The following CALN1 variants were observed in gnomAD, a reference collection of about 807,000 sequenced individuals.
The protein encoded by CALN1 is calneuron 1.
CALN1 carries 17 observed loss-of-function variants against 30.6 expected under a neutral mutation model. That is an observed-to-expected ratio of 0.56 (90% confidence interval 0.38 to 0.83). The LOEUF is 0.83. Ranked by LOEUF, CALN1 falls within the 40% of genes least tolerant of loss-of-function variation. The pLI, the probability that CALN1 is intolerant of heterozygous loss-of-function variation, is 0.00. For synonymous variants in CALN1, 156 were observed against 131.4 expected (o/e 1.19, Z -1.28); for missense variants, 291 against 354.9 (o/e 0.82, Z 1.45).
At chr7:72,490,176 C>T in the CALN1 span, among the ~76,000 whole-genome samples, 17 of 152,096 alleles carry the variant, frequency 1.1e-4, no homozygotes, top group Admixed American at 9.2e-4. Flanking sequence ...CAGAAATGGT[C>T]GTCTATAGTG....
At position 72,219,428 on chromosome 7, in the gene CALN1, C is replaced by T. The variant is rs185791392; in HGVS notation, c.244+59258G>A. ...TATTTTTTGTAGAGATGGGGTCTTGCTGTGTTGCCCAGGCTGATCTCAAAC... is the reference window on the plus strand; with the variant it reads ...TATTTTTTGTAGAGATGGGGTCTTGTTGTGTTGCCCAGGCTGATCTCAAAC... On this transcript the variant is annotated intron_variant, in intron 3 of 6. Transcript: ENST00000395275. 3.3e-5 allele frequency among the ~76,000 whole-genome samples: 5 copies of T among 152,196 alleles called. No homozygotes were observed. In the East Asian group the frequency reaches 9.7e-4, roughly 29 times the overall value.
chr7:71,919,688 AG>A (rs1794840616), intron 5 of CALN1, among the ~76,000 whole-genome samples: 1 of 152,232 alleles, frequency 6.6e-6, no homozygotes, highest in Non-Finnish European at 1.5e-5. Flanking sequence ...CTGGTTTTCC[AG>A]GAAGACACTA....
intron 5 of CALN1, among the ~76,000 whole-genome samples, chr7:71,892,819 G>C (rs1239811717): frequency 6.6e-6 from 1 of 152,018 alleles, no homozygotes; most frequent in Non-Finnish European, 1.5e-5. Context: ...AGTTTTGTAT[G>C]TTTCTAATAG....
intron 4 of CALN1, among the ~76,000 whole-genome samples, chr7:72,048,603 A>C (rs546187649): frequency 5.9e-5 from 9 of 152,266 alleles, no homozygotes; most frequent in African/African-American, 2.2e-4. Flanking sequence ...TAGTATATTA[A>C]TTTTATAGAG....
At chr7:72,031,454 C>A (rs1410489711) in intron 4 of CALN1, among the ~76,000 whole-genome samples, 1 of 152,198 alleles carries the variant, frequency 6.6e-6, no homozygotes, top group African/African-American at 2.4e-5. Flanking sequence ...AATAGGTTCT[C>A]CCCTTCCACA....
intron 5 of CALN1, among the ~76,000 whole-genome samples, chr7:71,840,934 A>G (rs1366486590): frequency 6.6e-6 from 1 of 151,016 alleles, no homozygotes; most frequent in East Asian, 1.9e-4. Flanking sequence ...GAATGTATTG[A>G]AGTCATTTTC....
At chr7:72,344,063 G>A (rs1352454874) in intron 2 of CALN1, among the ~76,000 whole-genome samples, 1 of 151,868 alleles carries the variant, frequency 6.6e-6, no homozygotes, top group African/African-American at 2.4e-5. Flanking sequence ...TATTTATTTA[G>A]AGACAGAGTC....
At chr7:72,256,658 A>T (rs369262468) in intron 3 of CALN1, among the ~76,000 whole-genome samples, 1 of 152,052 alleles carries the variant, frequency 6.6e-6, no homozygotes, top group African/African-American at 2.4e-5. Flanking sequence ...CCACGCTGGA[A>T]CACAATGGCA....
At chr7:71,899,752 C>T (rs748356340) in intron 5 of CALN1, among the ~76,000 whole-genome samples, 2 of 152,128 alleles carry the variant, frequency 1.3e-5, no homozygotes, top group Non-Finnish European at 2.9e-5. Context: ...TTCAGAATAA[C>T]TGATACCATG....
chr7:72,045,397 C>T (rs844778), intron 4 of CALN1, among the ~76,000 whole-genome samples: 1,804 of 152,310 alleles, frequency 0.012, 37 homozygotes, highest in African/African-American at 0.041. Context: ...CCTCTCCCTT[C>T]CTGGTGCCTC....
chr7:71,904,365 T>C lies in CALN1; in HGVS notation c.502-93873A>G, dbSNP rs577728503. ...TTCCCAATGGAATACTATTCAGCCA[T>C]GAAAAAGAATAAAATCTTGTTATTT... On this transcript the variant is annotated intron_variant, in intron 5 of 6. Coordinates refer to ENST00000395275, the MANE Select transcript of CALN1 (RefSeq NM_031468.4). Among the ~76,000 whole-genome samples the C allele has an allele frequency of 1.1e-4, 17 of 152,248 alleles. 2 individuals carry two copies. The South Asian group carries it at 3.5e-3, about 32-fold the overall frequency.
intron 3 of CALN1, among the ~76,000 whole-genome samples, chr7:72,169,973 G>A (rs182668666): frequency 1.4e-4 from 21 of 151,472 alleles, no homozygotes; most frequent in Non-Finnish European, 2.5e-4. Flanking sequence ...GATTACGGGC[G>A]TGAGACACCG....
At chr7:71,788,488 G>GTTTTTTTTTTTT (rs1454582383) in intron 6 of CALN1, among the ~76,000 whole-genome samples, 1 of 120,450 alleles carries the variant, frequency 8.3e-6, no homozygotes, top group African/African-American at 3.2e-5. Context: ...GTTTTTTTTT[G>GTTTTTTTTTTTT]TTGTTTTTTT....
At position 72,106,138 on chromosome 7, in the gene CALN1, G is replaced by T. The variant is rs1432363125; in HGVS notation, c.388+13C>A. 2.5e-6 allele frequency: 4 copies of T among 1,612,508 alleles called. No individual in the cohort carries two copies. The highest frequency in any genetic ancestry group is 3.4e-6 in the Non-Finnish European group (4 of 1,179,340). On this transcript the variant is annotated intron_variant, in intron 4 of 6. Transcript: ENST00000395275. ...GCATGTCTCAGGGGAGAAGCTGCTT[G>T]TCCGGGTCTTACCGTCCATGTCCAA...
intron 5 of CALN1, among the ~76,000 whole-genome samples, chr7:71,990,840 T>C (rs1297619060): frequency 6.6e-6 from 1 of 152,190 alleles, no homozygotes; most frequent in African/African-American, 2.4e-5. Flanking sequence ...AAATTCTTTC[T>C]TGTGCGAGGT....
intron 3 of CALN1, among the ~76,000 whole-genome samples, chr7:72,255,841 C>T (rs957887876): frequency 3.9e-5 from 6 of 152,016 alleles, no homozygotes; most frequent in Non-Finnish European, 8.8e-5. Flanking sequence ...AGCCACTCTC[C>T]TGCCTCAGCC....
chr7:71,857,104 A>G (rs1791005336), intron 5 of CALN1, among the ~76,000 whole-genome samples: 1 of 151,048 alleles, frequency 6.6e-6, no homozygotes, highest in African/African-American at 2.4e-5. Flanking sequence ...ACTATGTGTT[A>G]TTCAAATGGA....
rs4029789 is a variant in CALN1 at position 72,445,057 on chromosome 7, AACACACACACAC to A, written c.-226+1973_-226+1984del. 0.025 allele frequency among the ~76,000 whole-genome samples: 3,492 copies of A among 138,936 alleles called. 224 individuals are homozygous for A. In the East Asian group the frequency reaches 0.27, roughly 11 times the overall value. The allele number at this position is 138,936 out of a possible 152,430, so 91.1% of individuals were successfully genotyped here. On this transcript the variant is annotated intron_variant, in intron 1 of 6. Coordinates refer to the CALN1 transcript ENST00000395276. ...AAAGCCAGCAGCCATCAGTGAATTA[AACACACACACAC>A]ACACACACACACACACACACACACA...
intron 5 of CALN1, among the ~76,000 whole-genome samples, chr7:71,930,823 T>G (rs1262744418): frequency 6.6e-6 from 1 of 152,218 alleles, no homozygotes; most frequent in Admixed American, 6.5e-5. Context: ...TCGAAACTCC[T>G]TCCCTTCTCT....
Sources: allele counts gnomAD v4.1 joint callset (sites outside exome capture counted in the v4.1 genomes callset), GRCh38; gene constraint gnomAD v4.1.1; transcripts MANE v1.5; gene names NCBI Gene and HGNC (gene_info 2026-07-23, HGNC 2026-07-21).